KAZN: variants seen among roughly 807,000 people sequenced by gnomAD.
KAZN encodes kazrin.
A neutral mutation model predicts 87.4 loss-of-function variants in KAZN; 40 were observed. The ratio of observed to expected loss-of-function variants is 0.46; its 90% CI spans 0.36 to 0.60. The LOEUF is 0.60. KAZN is among the 20% of genes least tolerant of loss of function. The pLI is 0.00. For missense variants in KAZN, 898 were observed against 1,073.9 expected (o/e 0.84, Z 2.29); for synonymous variants, 466 against 458.3 (o/e 1.02, Z -0.22).
At chr1:13,912,996 A>G (rs995383451) in intron 1 of KAZN, among the ~76,000 whole-genome samples, 11 of 152,210 alleles carry the variant, frequency 7.2e-5, no homozygotes, top group Non-Finnish European at 1.3e-4. Flanking sequence ...TGCATCCTGC[A>G]TGGCCCCTAA....
At chr1:14,891,143 A>G (rs1266614511) in intron 1 of KAZN, among the ~76,000 whole-genome samples, 1 of 152,054 alleles carries the variant, frequency 6.6e-6, no homozygotes, top group African/African-American at 2.4e-5. Flanking sequence ...CGCGCCTGGC[A>G]GGAATCTGTA....
chr1:14,261,586 A>G (rs1413036062), intron 2 of KAZN, among the ~76,000 whole-genome samples: 1 of 152,140 alleles, frequency 6.6e-6, no homozygotes, highest in African/African-American at 2.4e-5. Context: ...TAACCCTTCC[A>G]GAAGGATGTG....
intron 2 of KAZN, among the ~76,000 whole-genome samples, chr1:14,967,539 G>A (rs755235680): frequency 2.0e-4 from 31 of 152,134 alleles, no homozygotes; most frequent in Non-Finnish European, 3.5e-4. Flanking sequence ...AAAGGGGAAC[G>A]AAGCTTGCCA....
At chr1:14,634,372 C>G (rs539972541) in intron 1 of KAZN, among the ~76,000 whole-genome samples, 1 of 152,274 alleles carries the variant, frequency 6.6e-6, no homozygotes, top group South Asian at 2.1e-4. Flanking sequence ...CATTTCATAA[C>G]CGTACACGGA....
chr1:14,780,693 A>T (rs559609515), intron 1 of KAZN, among the ~76,000 whole-genome samples: 1 of 152,320 alleles, frequency 6.6e-6, no homozygotes, highest in South Asian at 2.1e-4. Context: ...ATGAAATAAA[A>T]AATACGAAGT....
At chr1:13,994,054 G>C (rs189571255) in intron 1 of KAZN, among the ~76,000 whole-genome samples, 52 of 152,290 alleles carry the variant, frequency 3.4e-4, no homozygotes, top group Admixed American at 4.6e-4. Context: ...CTGTTGAAGA[G>C]AACTCTTCTT....
chr1:14,391,371 C>T (rs1662405060), intron 2 of KAZN: 2 of 152,354 alleles, frequency 1.3e-5, no homozygotes, highest in African/African-American at 2.4e-5. Flanking sequence ...GTATCTTCAG[C>T]TAGACTTTCC....
At chr1:14,655,964 G>A (rs1009439916) in intron 1 of KAZN, among the ~76,000 whole-genome samples, 7 of 152,130 alleles carry the variant, frequency 4.6e-5, no homozygotes, top group African/African-American at 9.7e-5. Flanking sequence ...TGCTGAAGGC[G>A]TGCAGCTTAT....
Position 14,111,658 on chromosome 1 carries a change from G to A in KAZN, c.92-68777G>A, listed in dbSNP as rs1307039197. Among the ~76,000 whole-genome samples, 3 of 133,940 alleles carry A rather than the reference G, an allele frequency of 2.2e-5. 1 individual carries two copies. The highest frequency in any genetic ancestry group is 5.0e-4 in the South Asian group (2 of 4,002). The allele number at this position is 133,940 out of a possible 152,430, so 87.9% of individuals were successfully genotyped here. A position where few individuals can be genotyped will look rare whatever the true frequency, so the allele number is the denominator to read the frequency against. On this transcript the variant is annotated intron_variant, in intron 1 of 16. Transcript: ENST00000636203. ...CCAGCCCTGTCTGTGCCCTTACAGA[G>A]CAGGGGCATTGAAAGTCCTGCACAC...
intron 2 of KAZN, among the ~76,000 whole-genome samples, chr1:14,566,490 G>A (rs1674557143): frequency 1.3e-5 from 2 of 152,316 alleles, no homozygotes; most frequent in South Asian, 2.1e-4. Context: ...AAAGTCACCA[G>A]CTGCATTAGA....
chr1:14,444,603 G>A (rs532872884), intron 2 of KAZN, among the ~76,000 whole-genome samples: 527 of 152,152 alleles, frequency 3.5e-3, no homozygotes, highest in African/African-American at 0.012. Context: ...GTGAGCCACC[G>A]CGTCCGGCCC....
chr1:14,768,041 G>A (rs957202614), intron 1 of KAZN, among the ~76,000 whole-genome samples: 2 of 152,158 alleles, frequency 1.3e-5, no homozygotes, highest in Non-Finnish European at 2.9e-5. Context: ...CTTAATGCAC[G>A]CGTATGTCGC....
At position 14,389,589 on chromosome 1, in the gene KAZN, A is replaced by C. The variant is rs148517868; in HGVS notation, c.249+208997A>C. The stretch of plus-strand genomic sequence containing the variant: ...TGGAGGCCATTATGTTAAGTGAAAT[A>C]AGCCAGGCACAGAAAGTCATACTTC... On this transcript the variant is annotated intron_variant, in intron 2 of 16. Coordinates refer to the KAZN transcript ENST00000636203. Among the ~76,000 whole-genome samples the C allele has an allele frequency of 4.3e-3, 661 of 152,332 alleles. 2 individuals carry two copies. Among genetic ancestry groups the C allele is most frequent in the African/African-American group, 0.015 (634 of 41,576 alleles).
intron 1 of KAZN, among the ~76,000 whole-genome samples, chr1:14,675,576 A>G (rs1035063909): frequency 6.6e-6 from 1 of 152,010 alleles, no homozygotes; most frequent in African/African-American, 2.4e-5. Context: ...CCCCACTCCA[A>G]TCTACCATCT....
chr1:13,969,470 G>A lies in KAZN; in HGVS notation c.91+75714G>A, dbSNP rs1642061702. Among the ~76,000 whole-genome samples the A allele has an allele frequency of 3.3e-5, 5 of 152,260 alleles. No homozygotes were observed. In the South Asian group the frequency reaches 8.3e-4, roughly 25 times the overall value. On this transcript the variant is annotated intron_variant, in intron 1 of 16. Coordinates refer to the KAZN transcript ENST00000636203. The stretch of plus-strand genomic sequence containing the variant: ...AGCCAAGGAATGTCAACCATTACCA[G>A]CAAACCACTGGAAGCTAAGTGAGAG...
In KAZN at chr1:15,051,811, T is replaced by G. The variant is rs180883341; in HGVS notation, c.727-4280T>G. Among the ~76,000 whole-genome samples the G allele has an allele frequency of 3.3e-3, 508 of 152,336 alleles. 3 individuals carry two copies. In the South Asian group the frequency reaches 0.042, roughly 13 times the overall value. Reference sequence around the variant, plus strand: ...GCTTACATAAACATGGTCCCTCTTGTTTTCACCATCTTATATTGTGGGACC... The same window carrying G: ...GCTTACATAAACATGGTCCCTCTTGGTTTCACCATCTTATATTGTGGGACC... On this transcript the variant is annotated intron_variant, in intron 4 of 14. Transcript: ENST00000376030.
chr1:14,645,975 T>G (rs1680776964), intron 1 of KAZN, among the ~76,000 whole-genome samples: 1 of 152,322 alleles, frequency 6.6e-6, no homozygotes, highest in African/African-American at 2.4e-5. Flanking sequence ...AAAAGCATTA[T>G]GCTGAGAGAA....
At chr1:15,110,420 CAT>C (rs200617340) in intron 13 of KAZN, among the ~76,000 whole-genome samples, 12,582 of 143,044 alleles carry the variant, frequency 0.088, 595 homozygotes, top group South Asian at 0.14. Flanking sequence ...TGTGTGTGCG[CAT>C]ATGTGTTCAT....
chr1:13,985,052 G>A (rs12124110), intron 1 of KAZN, among the ~76,000 whole-genome samples: 12,713 of 152,002 alleles, frequency 0.084, 680 homozygotes, highest in Middle Eastern at 0.13. Flanking sequence ...AAATTGGCTT[G>A]CTGTATTGGC....
Sources: gnomAD v4.1 joint callset for allele counts (sites outside exome capture counted in the v4.1 genomes callset) on GRCh38, gnomAD v4.1.1 for gene constraint, MANE v1.5 for transcripts, NCBI Gene and HGNC (gene_info 2026-07-23, HGNC 2026-07-21) for gene names.